NCKAP5: variants seen among roughly 807,000 people sequenced by gnomAD.
NCKAP5 encodes the protein nck-associated protein 5.
A neutral mutation model predicts 167.0 loss-of-function variants in NCKAP5; 92 were observed. That is an observed-to-expected ratio of 0.55 (90% confidence interval 0.47 to 0.66). The LOEUF (loss-of-function observed/expected upper bound fraction) is 0.66. NCKAP5 is among the 30% of genes least tolerant of loss of function. The pLI, the probability that NCKAP5 is intolerant of heterozygous loss-of-function variation, is 0.00. For missense variants in NCKAP5, 2,378 were observed against 2,315.0 expected (o/e 1.03, Z -0.56); for synonymous variants, 891 against 877.4 (o/e 1.02, Z -0.27).
chr2:132,906,903 T>A (rs1474048504), intron 8 of NCKAP5, among the ~76,000 whole-genome samples: 1 of 152,192 alleles, frequency 6.6e-6, no homozygotes, highest in Non-Finnish European at 1.5e-5. Context: ...GCATGATGAA[T>A]AAAGGATTCA....
In NCKAP5 at chr2:132,920,771, G is replaced by GTATGTATGTATGTGTATATATA. The variant is rs1553479343; in HGVS notation, c.580-41856_580-41855insTATATATACACATACATACATA. ...TATATATATATGTATATATATGTAT[G>GTATGTATGTATGTGTATATATA]TATATATATATATATATATATATAT... On this transcript the variant is annotated intron_variant, in intron 8 of 19. Transcript: ENST00000409261. Among the ~76,000 whole-genome samples, 40 of 31,574 alleles carry GTATGTATGTATGTGTATATATA rather than the reference G, an allele frequency of 1.3e-3. 2 individuals carry two copies. Among genetic ancestry groups the GTATGTATGTATGTGTATATATA allele is most frequent in the African/African-American group, 4.2e-3 (38 of 9,060 alleles). 20.7% of individuals were successfully genotyped at this position (31,574 alleles called of 152,430 possible). A position where few individuals can be genotyped will look rare whatever the true frequency, so the allele number is the denominator to read the frequency against.
intron 3 of NCKAP5, among the ~76,000 whole-genome samples, chr2:133,367,570 A>T (rs1331024602): frequency 6.6e-6 from 1 of 152,214 alleles, no homozygotes; most frequent in Non-Finnish European, 1.5e-5. Flanking sequence ...TATAGATCAC[A>T]TAAGTCTGGA....
intron 3 of NCKAP5, among the ~76,000 whole-genome samples, chr2:133,308,079 ATTTTTTTTTT>A (rs60111877): frequency 1.6e-4 from 14 of 89,406 alleles, no homozygotes; most frequent in East Asian, 1.2e-3. Context: ...TTATTGTTCT[ATTTTTTTTTT>A]TTTTTTTTTT....
At chr2:133,297,832 C>T (rs1158706837) in intron 4 of NCKAP5, among the ~76,000 whole-genome samples, 1 of 152,102 alleles carries the variant, frequency 6.6e-6, no homozygotes, top group Non-Finnish European at 1.5e-5. Context: ...ACATTAGCAG[C>T]AATGACAAAT....
chr2:132,827,244 T>G (rs1687193272), intron 11 of NCKAP5, among the ~76,000 whole-genome samples: 1 of 152,206 alleles, frequency 6.6e-6, no homozygotes, highest in South Asian at 2.1e-4. Context: ...ATTATTTTTT[T>G]CTTGTGACAA....
chr2:133,440,048 T>C (rs1241643771), intron 3 of NCKAP5, among the ~76,000 whole-genome samples: 2 of 152,156 alleles, frequency 1.3e-5, no homozygotes, highest in Non-Finnish European at 2.9e-5. Context: ...GCTAACTGTC[T>C]CATGTTTCTG....
chr2:133,528,286 G>A (rs1446084637), intron 2 of NCKAP5, among the ~76,000 whole-genome samples: 2 of 150,122 alleles, frequency 1.3e-5, no homozygotes, highest in African/African-American at 4.9e-5. Context: ...TTTCCACCTA[G>A]TTTTGAGCAA....
At chr2:133,639,543 C>T in the NCKAP5 span, among the ~76,000 whole-genome samples, 1 of 152,154 alleles carries the variant, frequency 6.6e-6, no homozygotes, top group African/African-American at 2.4e-5. Context: ...TAACTGCAAA[C>T]AGCTCACACT....
intron 2 of NCKAP5, among the ~76,000 whole-genome samples, chr2:133,530,453 A>T (rs1171112405): frequency 6.6e-6 from 1 of 152,208 alleles, no homozygotes; most frequent in Non-Finnish European, 1.5e-5. Flanking sequence ...GTCCAACAAA[A>T]AGTACCATAT....
rs80064602 is a variant in NCKAP5 at position 133,435,760 on chromosome 2, G to T, written c.69+81698C>A. Reference sequence around the variant, plus strand: ...TGGCTAGTGGCTGGCATATTGGACAGGGAAGGCTGGGTGAGTTCACTTGAT... The same window carrying T: ...TGGCTAGTGGCTGGCATATTGGACATGGAAGGCTGGGTGAGTTCACTTGAT... On this transcript the variant is annotated intron_variant, in intron 3 of 19. Transcript: ENST00000409261. Among the ~76,000 whole-genome samples the T allele has an allele frequency of 2.4e-3, 359 of 152,242 alleles. 7 individuals carry two copies. The East Asian group carries it at 0.06, about 25-fold the overall frequency.
At chr2:132,844,242 T>G (rs1198403635) in intron 11 of NCKAP5, among the ~76,000 whole-genome samples, 1 of 152,152 alleles carries the variant, frequency 6.6e-6, no homozygotes, top group African/African-American at 2.4e-5. Context: ...AAACTTTTCC[T>G]ACCCTTGATA....
At chr2:132,911,964 C>T (rs973876294) in intron 8 of NCKAP5, among the ~76,000 whole-genome samples, 5 of 151,930 alleles carry the variant, frequency 3.3e-5, no homozygotes, top group African/African-American at 1.2e-4. Context: ...CCCACAGTGT[C>T]TGCCTGGAGG....
the NCKAP5 span, among the ~76,000 whole-genome samples, chr2:133,598,982 T>G: frequency 3.3e-5 from 5 of 152,204 alleles, no homozygotes; most frequent in African/African-American, 1.2e-4. Context: ...TTTCTGCCTC[T>G]GACATCACAT....
At chr2:133,075,477 G>C (rs1355399666) in intron 6 of NCKAP5, among the ~76,000 whole-genome samples, 1 of 152,110 alleles carries the variant, frequency 6.6e-6, no homozygotes, top group East Asian at 1.9e-4. Context: ...TTAAGTTCTT[G>C]AAAATATGCT....
At chr2:133,214,865 G>T (rs575346489) in intron 4 of NCKAP5, among the ~76,000 whole-genome samples, 1 of 152,312 alleles carries the variant, frequency 6.6e-6, no homozygotes, top group African/African-American at 2.4e-5. Context: ...AAAGGATGCA[G>T]TTCAATCCCC....
intron 19 of NCKAP5, among the ~76,000 whole-genome samples, chr2:132,715,285 A>G (rs1423057497): frequency 6.6e-6 from 1 of 152,164 alleles, no homozygotes; most frequent in Non-Finnish European, 1.5e-5. Context: ...TCTTCAAGAA[A>G]GTTCCTTCTA....
intron 4 of NCKAP5, among the ~76,000 whole-genome samples, chr2:133,297,060 AT>A (rs1309683538): frequency 6.6e-6 from 1 of 152,170 alleles, no homozygotes; most frequent in East Asian, 1.9e-4. Context: ...AACAAATGAT[AT>A]AAAAAAATTC....
chr2:133,435,136 T>A (rs1690392731), intron 3 of NCKAP5, among the ~76,000 whole-genome samples: 1 of 152,226 alleles, frequency 6.6e-6, no homozygotes, highest in Non-Finnish European at 1.5e-5. Context: ...ATCTCATCAC[T>A]AACTACTCTT....
intron 19 of NCKAP5, among the ~76,000 whole-genome samples, chr2:132,711,046 C>T (rs112119874): frequency 4.6e-4 from 70 of 152,290 alleles, no homozygotes; most frequent in Admixed American, 1.4e-3. Flanking sequence ...GTACCTCCTG[C>T]GTGCCGGGCA....
Sources: gnomAD v4.1 joint callset for allele counts (sites outside exome capture counted in the v4.1 genomes callset) on GRCh38, gnomAD v4.1.1 for gene constraint, MANE v1.5 for transcripts, NCBI Gene and HGNC (gene_info 2026-07-23, HGNC 2026-07-21) for gene names.